Variants in NDUFS4 observed in about 807,000 individuals in gnomAD.
The protein encoded by NDUFS4 is NADH:ubiquinone oxidoreductase subunit S4, also known as NADH dehydrogenase [ubiquinone] iron-sulfur protein 4, mitochondrial.
A neutral mutation model predicts 24.3 loss-of-function variants in NDUFS4; 28 were observed. The observed-to-expected ratio is 1.15, with a 90% CI of 0.85 to 1.58. The LOEUF (loss-of-function observed/expected upper bound fraction) is 1.58. Ranked by LOEUF, NDUFS4 falls within the 40% of genes most tolerant of loss-of-function variation. The pLI, the probability that NDUFS4 is intolerant of heterozygous loss-of-function variation, is 0.00. For synonymous variants in NDUFS4, 93 were observed against 69.7 expected, an observed-to-expected ratio of 1.34 and a Z score of -1.67; for missense variants, 223 against 207.9, an observed-to-expected ratio of 1.07 and a Z score of -0.45.
intron 2 of NDUFS4, among the ~76,000 whole-genome samples, chr5:53,635,743 G>T (rs542134638): frequency 1.3e-5 from 2 of 152,000 alleles, no homozygotes; most frequent in Non-Finnish European, 2.9e-5. Context: ...ATTTTTCAAC[G>T]ATTTCAGTTG....
chr5:53,636,628 T>A (rs1305646629), intron 2 of NDUFS4, among the ~76,000 whole-genome samples: 1 of 152,172 alleles, frequency 6.6e-6, no homozygotes, highest in Non-Finnish European at 1.5e-5. Context: ...TTATTAAACT[T>A]AGTGATATGG....
At chr5:53,675,430 G>C (rs1345925158) in intron 4 of NDUFS4, among the ~76,000 whole-genome samples, 2 of 152,068 alleles carry the variant, frequency 1.3e-5, no homozygotes, top group African/African-American at 4.8e-5. Flanking sequence ...CCAAAGTGCT[G>C]GGATTACAGG....
chr5:53,593,732 T>A (rs1579848869), intron 1 of NDUFS4, among the ~76,000 whole-genome samples: 1 of 152,176 alleles, frequency 6.6e-6, no homozygotes, highest in South Asian at 2.1e-4. Flanking sequence ...ATCCCACAAA[T>A]TTTGAACATT....
intron 3 of NDUFS4, among the ~76,000 whole-genome samples, chr5:53,652,989 T>C (rs1406960712): frequency 6.6e-6 from 1 of 152,122 alleles, no homozygotes; most frequent in African/African-American, 2.4e-5. Flanking sequence ...TGCTTACTTT[T>C]CATTTATTTC....
At chr5:53,658,034 TG>T (rs1752215429) in intron 3 of NDUFS4, among the ~76,000 whole-genome samples, 1 of 152,216 alleles carries the variant, frequency 6.6e-6, no homozygotes, top group African/African-American at 2.4e-5. Flanking sequence ...AGAATTCAAT[TG>T]GATGTCAGAT....
chr5:53,587,580 CTTT>C (rs11331609), intron 1 of NDUFS4, among the ~76,000 whole-genome samples: 29 of 143,000 alleles, frequency 2.0e-4, no homozygotes, highest in Admixed American at 2.1e-4. Flanking sequence ...TCCCTAAATA[CTTT>C]TTTTTTTTTT....
Position 53,560,682 on chromosome 5 carries a change from C to T in NDUFS4, c.20C>T (p.Ser7Leu), listed in dbSNP as rs769292531. The T allele has an allele frequency of 7.4e-6, 12 of 1,614,154 alleles. No individual in the cohort carries two copies. Among genetic ancestry groups the T allele is most frequent in the Non-Finnish European group, 1.0e-5 (12 of 1,180,056 alleles). Residue 7 changes from serine to leucine, a missense_variant, in exon 1 of 5, where the codon TCA becomes TTA. Coordinates refer to ENST00000296684, the MANE Select transcript of NDUFS4 (RefSeq NM_002495.4). ...AGCAAGATGGCGGCGGTGTCAATGT[C>T]AGTGGTACTGAGGCAGACGTTGTGG... Reference protein sequence around the residue: MAAVSMSVVLRQTLWRR... With the variant: MAAVSMLVVLRQTLWRR...
intron 2 of NDUFS4, among the ~76,000 whole-genome samples, chr5:53,618,244 T>C (rs756102197): frequency 1.3e-5 from 2 of 152,062 alleles, no homozygotes; most frequent in Non-Finnish European, 2.9e-5. Flanking sequence ...CACTGCACTC[T>C]AGCCTGGGTG....
At chr5:53,677,319 G>GT (rs1387476256) in intron 4 of NDUFS4, among the ~76,000 whole-genome samples, 1 of 152,138 alleles carries the variant, frequency 6.6e-6, no homozygotes, top group Non-Finnish European at 1.5e-5. Flanking sequence ...TACAGCAGGT[G>GT]TAGAGTATTA....
At chr5:53,570,579 C>T (rs895954513) in intron 1 of NDUFS4, among the ~76,000 whole-genome samples, 4 of 152,060 alleles carry the variant, frequency 2.6e-5, no homozygotes, top group Non-Finnish European at 5.9e-5. Flanking sequence ...AAGAAACTCT[C>T]AGACCGTTTT....
chr5:53,584,199 G>T (rs1006657838), intron 1 of NDUFS4, among the ~76,000 whole-genome samples: 3 of 152,060 alleles, frequency 2.0e-5, no homozygotes, highest in East Asian at 1.9e-4. Context: ...CTGCCTTCTC[G>T]CAATAAACTA....
At position 53,573,127 on chromosome 5, in the gene NDUFS4, A is replaced by G. The variant is rs185098965; in HGVS notation, c.98+12367A>G. Among the ~76,000 whole-genome samples the G allele has an allele frequency of 1.5e-3, 223 of 151,180 alleles. 1 individual carries two copies. The highest frequency in any genetic ancestry group is 1.0e-3 in the South Asian group (5 of 4,762). On this transcript the variant is annotated intron_variant, in intron 1 of 4. Coordinates refer to ENST00000296684, the MANE Select transcript of NDUFS4 (RefSeq NM_002495.4). ...GCCAAGACTACAGGTGCATACCACC[A>G]TGCCTCGCTAATTTTTATATTTTTT...
intron 1 of NDUFS4, among the ~76,000 whole-genome samples, chr5:53,590,435 T>A (rs1749910696): frequency 6.6e-6 from 1 of 152,230 alleles, no homozygotes; most frequent in Non-Finnish European, 1.5e-5. Flanking sequence ...TGGTAGGACA[T>A]ATAACAAAAA....
intron 3 of NDUFS4, among the ~76,000 whole-genome samples, chr5:53,657,917 T>A (rs1752210693): frequency 7.9e-6 from 1 of 126,966 alleles, no homozygotes. Flanking sequence ...AGAGTGAGAG[T>A]CCATCTCAAA....
chr5:53,613,602 GTT>G (rs141354354), intron 2 of NDUFS4, among the ~76,000 whole-genome samples: 4 of 133,002 alleles, frequency 3.0e-5, no homozygotes, highest in African/African-American at 8.1e-5. Flanking sequence ...AGCAACTATA[GTT>G]TTTTTTTTTT....
intron 1 of NDUFS4, among the ~76,000 whole-genome samples, chr5:53,585,633 T>C (rs1579838471): frequency 2.0e-5 from 3 of 152,126 alleles, no homozygotes; most frequent in African/African-American, 7.2e-5. Context: ...TCCCAGCTAC[T>C]TGGAAGGCTG....
At chr5:53,636,642 G>A (rs1219436023) in intron 2 of NDUFS4, among the ~76,000 whole-genome samples, 8 of 152,014 alleles carry the variant, frequency 5.3e-5, no homozygotes, top group African/African-American at 1.7e-4. Context: ...GATATGGTTC[G>A]GATCTGTGTT....
intron 1 of NDUFS4, among the ~76,000 whole-genome samples, chr5:53,587,403 T>C (rs1382869791): frequency 1.3e-5 from 2 of 152,108 alleles, no homozygotes; most frequent in Non-Finnish European, 2.9e-5. Flanking sequence ...ACCACCTAGA[T>C]TTAACATGGT....
chr5:53,569,689 C>T (rs907774214), intron 1 of NDUFS4, among the ~76,000 whole-genome samples: 4 of 152,210 alleles, frequency 2.6e-5, no homozygotes, highest in African/African-American at 9.6e-5. Flanking sequence ...AGTTTAACCC[C>T]GTATACACTT....
Sources: allele counts gnomAD v4.1 joint callset (sites outside exome capture counted in the v4.1 genomes callset), GRCh38; gene constraint gnomAD v4.1.1; transcripts MANE v1.5; gene names NCBI Gene and HGNC (gene_info 2026-07-23, HGNC 2026-07-21).